The following ATL1 variants were observed in gnomAD, a reference collection of about 807,000 sequenced individuals.
ATL1 encodes atlastin GTPase 1.
In ATL1, 31 loss-of-function variants were observed where a neutral mutation model predicts 75.5. The observed-to-expected ratio is 0.41, with a 90% confidence interval of 0.31 to 0.55. The LOEUF (loss-of-function observed/expected upper bound fraction) is 0.55, where lower values mean the gene tolerates loss of function less well. Among genes scored for constraint, ATL1 ranks in the 20% least tolerant of loss-of-function variants. The pLI is 0.27. For synonymous variants in ATL1, 226 were observed against 233.3 expected (o/e 0.97, Z 0.28); for missense variants, 405 against 662.6 (o/e 0.61, Z 4.27).
rs140762401 is a variant in ATL1, at chr14:50,613,623, ACAAAT to A, written c.723+273_723+277del. Among the ~76,000 whole-genome samples the A allele has an allele frequency of 0.015, 2,293 of 152,304 alleles. 45 individuals carry two copies. Among genetic ancestry groups the A allele is most frequent in the African/African-American group, 0.053 (2,187 of 41,560 alleles). On this transcript the variant is annotated intron_variant, in intron 7 of 13. Coordinates refer to ENST00000358385, the MANE Select transcript of ATL1 (RefSeq NM_015915.5). The stretch of plus-strand genomic sequence containing the variant: ...TAATAGAGGTTTCAAAGCCAGTGTA[ACAAAT>A]ATCTAATTTTGAAATCCCTGGAGTC...
intron 12 of ATL1, among the ~76,000 whole-genome samples, chr14:50,629,517 G>T (rs2039557355): frequency 1.3e-5 from 2 of 148,826 alleles, no homozygotes; most frequent in African/African-American, 5.0e-5. Flanking sequence ...GAAGGCGGAG[G>T]TTGCACTGAG....
At position 50,623,163 on chromosome 14, in the gene ATL1, T is replaced by A; in HGVS notation, c.1048-14T>A. ...GAACTGCATTTTACATCATATTTTG[T>A]ACTTTGTCCAAAGGCCACAGCAGAA... On this transcript the variant is annotated splice_polypyrimidine_tract_variant and intron_variant, in intron 10 of 13. Transcript: ENST00000358385. 1 of 1,611,812 alleles carries A rather than the reference T, an allele frequency of 6.2e-7. No individual in the cohort carries two copies. Among genetic ancestry groups the A allele is most frequent in the Non-Finnish European group, 8.5e-7 (1 of 1,178,546 alleles).
chr14:50,534,239 C>T (rs1193251069), intron 1 of ATL1, among the ~76,000 whole-genome samples: 2 of 152,142 alleles, frequency 1.3e-5, no homozygotes, highest in Non-Finnish European at 2.9e-5. Flanking sequence ...ACAGAAAACA[C>T]TTACTATAAA....
intron 6 of ATL1, 117 bp from the exon 7 acceptor site, chr14:50,613,142 T>A: frequency 1.2e-6 from 1 of 806,058 alleles, no homozygotes; most frequent in Non-Finnish European, 2.1e-6. Flanking sequence ...GATTTTTAAT[T>A]CAGCAATGTG....
At chr14:50,586,351 T>A (rs953913456) in intron 1 of ATL1, among the ~76,000 whole-genome samples, 1 of 152,160 alleles carries the variant, frequency 6.6e-6, no homozygotes, top group Non-Finnish European at 1.5e-5. Flanking sequence ...AGGGCTGGGT[T>A]TTTTTGTAAG....
At chr14:50,606,523 A>G (rs2039318339) in intron 6 of ATL1, among the ~76,000 whole-genome samples, 1 of 151,982 alleles carries the variant, frequency 6.6e-6, no homozygotes, top group African/African-American at 2.4e-5. Context: ...CTGATTTTGT[A>G]TTATGTGCTA....
In ATL1 at chr14:50,562,287, G is replaced by A. The variant is rs368992655; in HGVS notation, c.34+1988G>A. Among the ~76,000 whole-genome samples the A allele has an allele frequency of 1.1e-4, 16 of 152,174 alleles. 1 individual carries two copies. Among genetic ancestry groups the A allele is most frequent in the African/African-American group, 3.9e-4 (16 of 41,538 alleles). On this transcript the variant is annotated intron_variant, in intron 1 of 13. Transcript: ENST00000358385. ...TTTCGATCTCCTGACCTCGTGATCCGCCCGCCTCGGCCTCCCAAAGTGCTG... is the reference window on the plus strand; with the variant it reads ...TTTCGATCTCCTGACCTCGTGATCCACCCGCCTCGGCCTCCCAAAGTGCTG...
At chr14:50,543,218 A>G (rs1021000714) in intron 1 of ATL1, among the ~76,000 whole-genome samples, 1 of 152,234 alleles carries the variant, frequency 6.6e-6, no homozygotes, top group Non-Finnish European at 1.5e-5. Flanking sequence ...CTTGCCAAGG[A>G]TAATTCAGTT....
intron 11 of ATL1, among the ~76,000 whole-genome samples, chr14:50,627,209 G>A (rs1194596705): frequency 6.6e-6 from 1 of 152,250 alleles, no homozygotes; most frequent in Non-Finnish European, 1.5e-5. Flanking sequence ...TTGATGTGCT[G>A]AAGGCTCAGA....
At chr14:50,574,843 C>T (rs142905168) in intron 1 of ATL1, among the ~76,000 whole-genome samples, 174 of 147,898 alleles carry the variant, frequency 1.2e-3, no homozygotes, top group Middle Eastern at 7.2e-3. Context: ...TAAATAAATA[C>T]GCATGGAATT....
chr14:50,630,244 C>A (rs1032762495), intron 13 of ATL1, among the ~76,000 whole-genome samples: 1 of 152,140 alleles, frequency 6.6e-6, no homozygotes, highest in Non-Finnish European at 1.5e-5. Context: ...AATTGAATAT[C>A]ATCAGTATTT....
chr14:50,625,111 C>G (rs2039504993), intron 11 of ATL1, among the ~76,000 whole-genome samples: 1 of 151,390 alleles, frequency 6.6e-6, no homozygotes, highest in Non-Finnish European at 1.5e-5. Context: ...CCAGTGAACA[C>G]ACAGATTATA....
At chr14:50,574,935 G>GTCTA (rs1446555904) in intron 1 of ATL1, among the ~76,000 whole-genome samples, 1 of 34,606 alleles carries the variant, frequency 2.9e-5, no homozygotes, top group African/African-American at 1.2e-4. Context: ...GTGTGTGTGT[G>GTCTA]TGTATATATA....
intron 2 of ATL1, among the ~76,000 whole-genome samples, 153 bp from the exon 3 acceptor site, chr14:50,590,788 T>C (rs1447992146): frequency 6.6e-6 from 1 of 152,188 alleles, no homozygotes; most frequent in East Asian, 1.9e-4. Flanking sequence ...TAATTATTTT[T>C]TGGATGAATA....
chr14:50,610,175 A>G (rs983958239), intron 6 of ATL1, among the ~76,000 whole-genome samples: 3 of 152,088 alleles, frequency 2.0e-5, no homozygotes, highest in Admixed American at 6.6e-5. Context: ...AGATGAGAGA[A>G]AAAACTTTTC....
chr14:50,565,250 A>G (rs996096420), intron 1 of ATL1, among the ~76,000 whole-genome samples: 2 of 152,008 alleles, frequency 1.3e-5, no homozygotes, highest in Non-Finnish European at 2.9e-5. Flanking sequence ...AGATCGCACT[A>G]CTGCACTCCA....
intron 8 of ATL1, among the ~76,000 whole-genome samples, chr14:50,615,378 TA>T (rs1444962607): frequency 6.6e-6 from 1 of 152,228 alleles, no homozygotes; most frequent in Non-Finnish European, 1.5e-5. Flanking sequence ...CAGAGGGATT[TA>T]AAATTACTTT....
chr14:50,535,654 A>T (rs1354344727), intron 1 of ATL1, among the ~76,000 whole-genome samples: 2 of 152,218 alleles, frequency 1.3e-5, no homozygotes, highest in African/African-American at 2.4e-5. Flanking sequence ...GGCAATTTTT[A>T]TATAATTTGT....
At chr14:50,546,360 TACTG>T (rs1000503809) in intron 1 of ATL1, among the ~76,000 whole-genome samples, 1 of 152,054 alleles carries the variant, frequency 6.6e-6, no homozygotes, top group African/African-American at 2.4e-5. Flanking sequence ...AAGTAAAAGG[TACTG>T]GGTGTGTGTG....
Sources: gnomAD v4.1 joint callset for allele counts (sites outside exome capture counted in the v4.1 genomes callset) on GRCh38, gnomAD v4.1.1 for gene constraint, MANE v1.5 for transcripts, NCBI Gene and HGNC (gene_info 2026-07-23, HGNC 2026-07-21) for gene names.